Variants in ADAMTS1 observed in about 807,000 individuals in gnomAD.
ADAMTS1 encodes A disintegrin and metalloproteinase with thrombospondin motifs 1.
In ADAMTS1, 19 loss-of-function variants were observed where a neutral mutation model predicts 87.9. The ratio of observed to expected loss-of-function variants is 0.22; its 90% confidence interval spans 0.15 to 0.32. The LOEUF (loss-of-function observed/expected upper bound fraction) is 0.32. ADAMTS1 is among the 10% of genes least tolerant of loss of function. The pLI is 1.00. For missense variants in ADAMTS1, 1,240 were observed against 1,259.1 expected (o/e 0.98, Z 0.23); for synonymous variants, 542 against 501.8 (o/e 1.08, Z -1.07).
rs1402872729 is a variant in ADAMTS1 at position 26,838,035 on chromosome 21, A to T, written c.2448T>A (p.Pro816=). 1 of 1,614,200 alleles carries T rather than the reference A, an allele frequency of 6.2e-7. No individual in the cohort carries two copies. Among genetic ancestry groups the T allele is most frequent in the African/African-American group, 1.3e-5 (1 of 75,048 alleles). The part of the protein sequence containing the change: ...AALERIRSFS[P]LKEPLTIQVL... ...CCTGGATGGTCAAGGGCTCTTTGAG[A>T]GGGCTAAAGCTGCGAATTCTTTCCA... Residue 816 remains proline (P), a synonymous_variant, in exon 9 of 9, where the codon CCT becomes CCA. Coordinates refer to ENST00000284984, the MANE Select transcript of ADAMTS1 (RefSeq NM_006988.5).
In ADAMTS1 at chr21:26,837,606, G is replaced by A. The variant is rs750296192; in HGVS notation, c.2877C>T (p.Asp959=). ...DPLKKPKHFI[D]FCTMAECS is the part of the protein sequence containing the mutation. ...AACTGCATTCTGCCATTGTGCAAAA[G>A]TCTATGAAATGTTTAGGTTTCTTTA... The change falls in exon 9 of 9, where the codon GAC becomes GAT. Residue 959 remains aspartate, a synonymous_variant. Transcript: ENST00000284984. 13 of 1,614,034 alleles carry A rather than the reference G, an allele frequency of 8.1e-6. No individual in the cohort carries two copies. Among genetic ancestry groups the A allele is most frequent in the African/African-American group, 5.3e-5 (4 of 74,918 alleles).
In ADAMTS1 at chr21:26,841,985, C is replaced by G; in HGVS notation, c.1083G>C (p.Leu361Phe). Residue 361 changes from leucine (L) to phenylalanine (F), a missense_variant, in exon 3 of 9, where the codon TTG becomes TTC. Physicochemically the swap from Leu to Phe is conservative, Grantham distance 22. Coordinates refer to ENST00000284984, the MANE Select transcript of ADAMTS1 (RefSeq NM_006988.5). The part of the protein sequence containing the change: ...DTAILFTRQD[L>F]CGSQTCDTLG... ...GAGTATCACATGTCTGGGACCCACA[C>G]AAGTCCTACAAAAAGCAAAGGTAAA... 1 of 1,613,100 alleles carries G rather than the reference C, an allele frequency of 6.2e-7. No homozygotes were observed. Among genetic ancestry groups the G allele is most frequent in the Non-Finnish European group, 8.5e-7 (1 of 1,179,786 alleles).
At chr21:26,842,793 A>C in intron 1 of ADAMTS1, 108 bp from the exon 2 acceptor site, 2 of 843,478 alleles carry the variant, frequency 2.4e-6, no homozygotes, top group African/African-American at 1.7e-5. Context: ...AAGCAAAAAT[A>C]TACCCAGAAC....
Position 26,840,354 on chromosome 21 carries a change from C to T in ADAMTS1, c.1587G>A (p.Ala529=), listed in dbSNP as rs138993014. 2.9e-4 allele frequency: 468 copies of T among 1,614,226 alleles called. No homozygotes were observed. In the African/African-American group the frequency reaches 5.1e-3, roughly 17 times the overall value. Residue 529 remains alanine (A), a synonymous_variant, in exon 5 of 9, where the codon GCG becomes GCA. Transcript: ENST00000284984. The part of the protein sequence containing the change: ...LVCQTKHFPW[A]DGTSCGEGKW... ...TCCCTTCTCCACAGCTGGTGCCATC[C>T]GCCCACGGGAAGTGTTTGGTTTGAC...
rs372440260 is a variant in ADAMTS1 at position 26,842,693 on chromosome 21, G to GA, written c.731-9dup. The GA allele has an allele frequency of 1.2e-3, 1,752 of 1,497,208 alleles. No individual in the cohort carries two copies. The highest frequency in any genetic ancestry group is 1.5e-3 in the Admixed American group (76 of 49,954). 92.7% of individuals were successfully genotyped at this position (1,497,208 alleles called of 1,614,324 possible). A position where few individuals can be genotyped will look rare whatever the true frequency, so the allele number is the denominator to read the frequency against. On this transcript the variant is annotated splice_polypyrimidine_tract_variant and intron_variant, in intron 1 of 8. Transcript: ENST00000284984. ...TTCTTATGCTTCCAGTTCCTGTAAAGAAAAAAAAAAGTTTGCTTATGGTCA... is the reference window on the plus strand; with the variant it reads ...TTCTTATGCTTCCAGTTCCTGTAAAGAAAAAAAAAAAGTTTGCTTATGGTCA...
chr21:26,839,840 C>A (rs974911809), intron 6 of ADAMTS1, 35 bp downstream of exon 6: 2 of 1,604,532 alleles, frequency 1.2e-6, no homozygotes, highest in Admixed American at 1.7e-5. Flanking sequence ...TTTTTTTAAT[C>A]CAGTTTCTTA....
At chr21:26,842,210 A>C in intron 2 of ADAMTS1, 129 bp downstream of exon 2, 1 of 1,049,050 alleles carries the variant, frequency 9.5e-7, no homozygotes, top group Non-Finnish European at 1.4e-6. Context: ...AATGAGTAAG[A>C]TAAACCATGC....
At chr21:26,839,850 A>T in intron 6 of ADAMTS1, 25 bp downstream of exon 6, 6 of 1,608,144 alleles carry the variant, frequency 3.7e-6, no homozygotes, top group African/African-American at 1.3e-5. Flanking sequence ...CCAGTTTCTT[A>T]AAACCAGAGT....
In ADAMTS1 at chr21:26,838,255, GTGA is replaced by G. The variant is rs767987172; in HGVS notation, c.2225_2227del (p.Ile742del). ...GATGTTGGTGGCTCCAGTTGGAATT[GTGA>G]TGATATCATGATATCCAGGTCTGCA... is the stretch of plus-strand genomic sequence containing the variant. On this transcript the variant is annotated inframe_deletion, in exon 9 of 9. Transcript: ENST00000284984. The G allele has an allele frequency of 6.2e-7, 1 of 1,610,498 alleles. No individual in the cohort carries two copies. Among genetic ancestry groups the G allele is most frequent in the African/African-American group, 1.3e-5 (1 of 74,944 alleles).
intron 4 of ADAMTS1, among the ~76,000 whole-genome samples, chr21:26,840,786 G>A (rs984907311): frequency 2.6e-5 from 4 of 152,168 alleles, no homozygotes; most frequent in African/African-American, 7.2e-5. Flanking sequence ...ATTGATCTGC[G>A]AACAATGTGA....
rs919175169 is a variant in ADAMTS1 at position 26,836,938 on chromosome 21, A to T, written c.*641T>A. 4 of 152,256 alleles carry T rather than the reference A, an allele frequency of 2.6e-5. No homozygotes were observed. Among genetic ancestry groups the T allele is most frequent in the African/African-American group, 9.7e-5 (4 of 41,438 alleles). The allele number at this position is 152,256 out of a possible 1,614,324, so 9.4% of individuals were successfully genotyped here. Reference sequence around the variant, plus strand: ...TTTTTTCCTCAAAATGAATTACACAAATAAAGACTGAGATGGTCCAAAAAA... The same window carrying T: ...TTTTTTCCTCAAAATGAATTACACATATAAAGACTGAGATGGTCCAAAAAA... On this transcript the variant is annotated 3_prime_UTR_variant, in exon 9 of 9. Transcript: ENST00000284984.
Position 26,844,532 on chromosome 21 carries a change from G to C in ADAMTS1, c.423C>G (p.Leu141=), listed in dbSNP as rs758399158. The C allele has an allele frequency of 1.1e-5, 17 of 1,604,444 alleles. No homozygotes were observed. The Admixed American group carries it at 2.9e-4, about 27-fold the overall frequency. ...AGAAGGCGCCGCGCACGCCCTCGCA[G>C]AGGCTGAGGGCGGCAGCCGAGCTGG... The part of the protein sequence containing the change: ...GDPSSAAALS[L]CEGVRGAFYL... The change falls in exon 1 of 9, where the codon CTC becomes CTG. Residue 141 remains leucine (L), a synonymous_variant. Coordinates refer to ENST00000284984, the MANE Select transcript of ADAMTS1 (RefSeq NM_006988.5).
intron 1 of ADAMTS1, chr21:26,843,862 A>C (rs1019923958): frequency 4.4e-6 from 2 of 459,692 alleles, no homozygotes; most frequent in South Asian, 1.7e-5. Context: ...CAAAAGGCGC[A>C]CACAAAATCA....
In ADAMTS1 at chr21:26,844,508, G is replaced by A. The variant is rs759325549; in HGVS notation, c.447C>T (p.Phe149=). ...TGAAATACGCCTCCCCCAGCAGGTA[G>A]AAGGCGCCGCGCACGCCCTCGCAGA... is the stretch of plus-strand genomic sequence containing the variant. ...LSLCEGVRGA[F]YLLGEAYFIQ... The change falls in exon 1 of 9, where the codon TTC becomes TTT. Residue 149 remains phenylalanine (F), a synonymous_variant. Coordinates refer to ENST00000284984, the MANE Select transcript of ADAMTS1 (RefSeq NM_006988.5). The A allele has an allele frequency of 3.1e-6, 5 of 1,597,080 alleles. No individual in the cohort carries two copies. Among genetic ancestry groups the A allele is most frequent in the Non-Finnish European group, 4.3e-6 (5 of 1,172,354 alleles).
chr21:26,842,113 A>C, intron 2 of ADAMTS1, 123 bp from the exon 3 acceptor site: 4 of 1,202,388 alleles, frequency 3.3e-6, no homozygotes, highest in Non-Finnish European at 4.6e-6. Flanking sequence ...TGTTGACATA[A>C]GAAGACTTCA....
intron 1 of ADAMTS1, 72 bp from the exon 2 acceptor site, chr21:26,842,757 G>A: frequency 7.3e-7 from 1 of 1,362,844 alleles, no homozygotes; most frequent in Non-Finnish European, 1.0e-6. Context: ...CATATATTAG[G>A]AAAGCCTAAC....
Position 26,837,681 on chromosome 21 carries a change from C to G in ADAMTS1, c.2802G>C (p.Lys934Asn). Residue 934 changes from lysine to asparagine, a missense_variant, in exon 9 of 9, where the codon AAG becomes AAC. Around this residue, in one of 3 missense-constraint regions of ADAMTS1, gnomAD observed 402 missense variants for 399.1 expected, o/e 1.01. Transcript: ENST00000284984. ...ACACCCCTCCATCATGGGACAGACA[C>G]TTCAAGCTTCTTTTTTTGTAACCCT... ...CGKGYKKRSL[K>N]CLSHDGGVLS... 1.2e-6 allele frequency: 2 copies of G among 1,614,242 alleles called. No individual in the cohort carries two copies. Among genetic ancestry groups the G allele is most frequent in the Non-Finnish European group, 1.7e-6 (2 of 1,180,050 alleles).
chr21:26,841,901 T>C lies in ADAMTS1; in HGVS notation c.1167A>G (p.Glu389=). ...CDPSRSCSVI[E]DDGLQAAFTT... is the part of the protein sequence containing the mutation. ...TGAAGGCAGCTTGTAAACCATCATC[T>C]TCTATGACGGAGCAGCTTCTGCTCG... Residue 389 remains glutamate (E), a synonymous_variant, in exon 3 of 9, where the codon GAA becomes GAG. Transcript: ENST00000284984. 1 of 1,614,134 alleles carries C rather than the reference T, an allele frequency of 6.2e-7. No individual in the cohort carries two copies. The highest frequency in any genetic ancestry group is 8.5e-7 in the Non-Finnish European group (1 of 1,180,016).
At chr21:26,839,152 A>C (rs1311421467) in intron 7 of ADAMTS1, 7 of 160,426 alleles carry the variant, frequency 4.4e-5, no homozygotes, top group Non-Finnish European at 6.8e-5. Context: ...ATCAATACTC[A>C]GACTACCACT....
Sources: allele counts gnomAD v4.1 joint callset (sites outside exome capture counted in the v4.1 genomes callset), GRCh38; gene constraint gnomAD v4.1.1; regional missense constraint gnomAD v4.1.1; transcripts MANE v1.5; gene names NCBI Gene and HGNC (gene_info 2026-07-23, HGNC 2026-07-21).